The following PTPRD variants were observed in gnomAD, a reference collection of about 807,000 sequenced individuals.
The protein encoded by PTPRD is protein tyrosine phosphatase receptor type D, also known as receptor-type tyrosine-protein phosphatase delta.
In PTPRD, 34 loss-of-function variants were observed where a neutral mutation model predicts 214.5. That is an observed-to-expected ratio of 0.16 (90% CI 0.12 to 0.21). The LOEUF (loss-of-function observed/expected upper bound fraction) is 0.21, where lower values mean the gene tolerates loss of function less well. Among genes scored for constraint, PTPRD ranks in the 10% least tolerant of loss-of-function variants. The pLI, the probability that PTPRD is intolerant of heterozygous loss-of-function variation, is 1.00. For synonymous variants in PTPRD, 1,128 were observed against 845.7 expected (o/e 1.33, Z -5.79); for missense variants, 2,545 against 2,398.7 (o/e 1.06, Z -1.27).
chr9:10,190,255 A>G (rs2099356785), intron 3 of PTPRD, among the ~76,000 whole-genome samples: 3 of 151,724 alleles, frequency 2.0e-5, no homozygotes, highest in Non-Finnish European at 4.4e-5. Flanking sequence ...AATCCCAGCT[A>G]CTTGGGTGGC....
At chr9:10,482,013 G>A (rs984019845) in intron 2 of PTPRD, among the ~76,000 whole-genome samples, 5 of 151,982 alleles carry the variant, frequency 3.3e-5, no homozygotes, top group African/African-American at 7.2e-5. Context: ...AAGGCATGGA[G>A]TGAAAAAAAG....
intron 3 of PTPRD, among the ~76,000 whole-genome samples, chr9:10,188,875 G>A (rs1008762513): frequency 6.6e-6 from 1 of 152,186 alleles, no homozygotes; most frequent in African/African-American, 2.4e-5. Context: ...ACAACTTGGA[G>A]CTTAACACAA....
Position 8,317,912 on chromosome 9 carries a change from G to C in PTPRD, c.5701C>G (p.Leu1901Val), listed in dbSNP as rs769140839. ...DQYQFSYRAALEYLGSFDHYA... is the reference protein window; with the variant it reads ...DQYQFSYRAAVEYLGSFDHYA... ...TGGTCAAAGCTGCCCAGGTACTCTA[G>C]TGCGGCACGATAGGAAAACTGATAT... Residue 1901 changes from leucine to valine, a missense_variant, in exon 46 of 46, where the codon CTA becomes GTA. Transcript: ENST00000381196. 3.7e-6 allele frequency: 6 copies of C among 1,612,166 alleles called. No individual in the cohort carries two copies. The South Asian group carries it at 5.5e-5, about 15-fold the overall frequency.
chr9:9,511,462 C>T (rs1022554023), intron 8 of PTPRD, among the ~76,000 whole-genome samples: 6 of 151,480 alleles, frequency 4.0e-5, no homozygotes, highest in African/African-American at 1.2e-4. Flanking sequence ...AATATCTAGG[C>T]TGATAGAAAT....
intron 30 of PTPRD, among the ~76,000 whole-genome samples, chr9:8,476,653 T>G (rs1332154773): frequency 6.6e-6 from 1 of 152,204 alleles, no homozygotes; most frequent in Non-Finnish European, 1.5e-5. Flanking sequence ...TCTATACATT[T>G]TCTTATACAA....
intron 9 of PTPRD, among the ~76,000 whole-genome samples, chr9:9,185,947 G>T (rs370939390): frequency 2.1e-3 from 318 of 149,710 alleles, no homozygotes; most frequent in African/African-American, 7.5e-3. Flanking sequence ...CTAGTTATCT[G>T]TCGATCTGGT....
chr9:9,864,176 G>A (rs1343256624), intron 5 of PTPRD, among the ~76,000 whole-genome samples: 4 of 152,080 alleles, frequency 2.6e-5, no homozygotes, highest in Non-Finnish European at 4.4e-5. Flanking sequence ...TGTGGTGGCG[G>A]GTGCCCGCAG....
At chr9:8,363,511 A>G (rs1262305348) in intron 39 of PTPRD, among the ~76,000 whole-genome samples, 4 of 152,186 alleles carry the variant, frequency 2.6e-5, no homozygotes, top group Admixed American at 2.6e-4. Context: ...GAAAAAAATT[A>G]AAAGGCCCTT....
chr9:10,133,193 G>A (rs1186101166), intron 3 of PTPRD, among the ~76,000 whole-genome samples: 2 of 152,132 alleles, frequency 1.3e-5, no homozygotes, highest in African/African-American at 4.8e-5. Context: ...TGGGGATGGA[G>A]ATCACTAACG....
intron 10 of PTPRD, among the ~76,000 whole-genome samples, chr9:9,141,266 T>C (rs2099859987): frequency 6.9e-6 from 1 of 145,506 alleles, no homozygotes; most frequent in South Asian, 2.4e-4. Flanking sequence ...GGGAAGACTA[T>C]TCCCCTGAGG....
At chr9:10,253,711 A>G (rs2092996181) in intron 3 of PTPRD, among the ~76,000 whole-genome samples, 1 of 152,168 alleles carries the variant, frequency 6.6e-6, no homozygotes. Context: ...CTATAAAGAG[A>G]AGTTTACTGC....
chr9:9,900,200 C>G (rs769168407), intron 5 of PTPRD, among the ~76,000 whole-genome samples: 1 of 152,150 alleles, frequency 6.6e-6, no homozygotes, highest in African/African-American at 2.4e-5. Flanking sequence ...AATTTTTATG[C>G]TCTGCTTCCA....
At chr9:10,354,843 C>T (rs560966823) in intron 2 of PTPRD, among the ~76,000 whole-genome samples, 84 of 152,166 alleles carry the variant, frequency 5.5e-4, no homozygotes, top group African/African-American at 2.0e-3. Context: ...GGATGTGTGC[C>T]GTACGTGCTT....
chr9:10,194,536 G>A (rs2154326776), intron 3 of PTPRD, among the ~76,000 whole-genome samples: 1 of 152,006 alleles, frequency 6.6e-6, no homozygotes, highest in Admixed American at 6.6e-5. Flanking sequence ...ACCGTTATAT[G>A]TTTGAATTAC....
At chr9:8,684,718 C>G (rs189003108) in intron 12 of PTPRD, among the ~76,000 whole-genome samples, 2 of 152,192 alleles carry the variant, frequency 1.3e-5, no homozygotes, top group African/African-American at 4.8e-5. Context: ...CAAGAAGACA[C>G]CTATTTAGAA....
Position 9,732,639 on chromosome 9 carries a change from A to G in PTPRD, c.-287+1894T>C, listed in dbSNP as rs558676527. Among the ~76,000 whole-genome samples the G allele has an allele frequency of 2.6e-5, 4 of 152,336 alleles. No homozygotes were observed. In the South Asian group the frequency reaches 8.3e-4, roughly 32 times the overall value. ...TTTGTTATGATGGAAATGGGGAGGCAAAATTTGTGCTACCTAAAATACCCC... is the reference window on the plus strand; with the variant it reads ...TTTGTTATGATGGAAATGGGGAGGCGAAATTTGTGCTACCTAAAATACCCC... On this transcript the variant is annotated intron_variant, in intron 7 of 45. Coordinates refer to ENST00000381196, the MANE Select transcript of PTPRD (RefSeq NM_002839.4).
At chr9:9,889,367 T>C (rs1429530118) in intron 5 of PTPRD, among the ~76,000 whole-genome samples, 3 of 151,980 alleles carry the variant, frequency 2.0e-5, no homozygotes, top group Non-Finnish European at 1.5e-5. Flanking sequence ...CATCATGGCA[T>C]ACATAATATA....
At chr9:9,488,740 G>A (rs536062921) in intron 8 of PTPRD, among the ~76,000 whole-genome samples, 2 of 152,172 alleles carry the variant, frequency 1.3e-5, no homozygotes, top group South Asian at 4.2e-4. Flanking sequence ...CCAGGTAAAG[G>A]CTCAGACTGG....
chr9:9,228,526 C>G (rs544887031), intron 9 of PTPRD, among the ~76,000 whole-genome samples: 242 of 152,006 alleles, frequency 1.6e-3, no homozygotes, highest in Non-Finnish European at 3.0e-3. Context: ...TATAATTAAT[C>G]TACTACTGTA....
Sources: gnomAD v4.1 joint callset for allele counts (sites outside exome capture counted in the v4.1 genomes callset) on GRCh38, gnomAD v4.1.1 for gene constraint, MANE v1.5 for transcripts, NCBI Gene and HGNC (gene_info 2026-07-23, HGNC 2026-07-21) for gene names.